Variants in TNFSF11 observed in about 807,000 individuals in gnomAD.
TNFSF11 encodes the protein tumor necrosis factor ligand superfamily member 11.
In TNFSF11, 12 loss-of-function variants were observed where a neutral mutation model predicts 32.2. That is an observed-to-expected ratio of 0.37 (90% confidence interval 0.24 to 0.60). The LOEUF (loss-of-function observed/expected upper bound fraction) is 0.60. Among genes scored for constraint, TNFSF11 ranks in the 20% least tolerant of loss-of-function variants. The pLI is 0.66. For synonymous variants in TNFSF11, 172 were observed against 152.1 expected, an observed-to-expected ratio of 1.13 and a Z score of -0.96; for missense variants, 345 against 398.0, an observed-to-expected ratio of 0.87 and a Z score of 1.13.
At chr13:42,584,224 C>A (rs901331412) in intron 2 of TNFSF11, among the ~76,000 whole-genome samples, 3 of 152,180 alleles carry the variant, frequency 2.0e-5, no homozygotes, top group Non-Finnish European at 4.4e-5. Context: ...GAACAAGCGG[C>A]TTACTGTGTG....
chr13:42,587,958 T>C (rs538471914), intron 2 of TNFSF11, among the ~76,000 whole-genome samples: 1 of 152,256 alleles, frequency 6.6e-6, no homozygotes, highest in East Asian at 1.9e-4. Flanking sequence ...GAGGAGGGAT[T>C]AAACCCCATT....
intron 2 of TNFSF11, among the ~76,000 whole-genome samples, chr13:42,568,958 A>G (rs891299591): frequency 2.0e-5 from 3 of 152,156 alleles, no homozygotes; most frequent in Non-Finnish European, 4.4e-5. Context: ...GGCAAATCCA[A>G]GGGGTTTAAC....
chr13:42,565,846 A>C (rs1001033975), intron 1 of TNFSF11, among the ~76,000 whole-genome samples: 17 of 152,184 alleles, frequency 1.1e-4, no homozygotes, highest in African/African-American at 4.1e-4. Context: ...AAGGAGGATG[A>C]AAGGGAAGCC....
chr13:42,578,763 G>A (rs1873445417), intron 1 of TNFSF11, among the ~76,000 whole-genome samples: 1 of 152,142 alleles, frequency 6.6e-6, no homozygotes, highest in Non-Finnish European at 1.5e-5. Flanking sequence ...TCTGGGTGTG[G>A]GCATTTTTTT....
chr13:42,577,588 AG>A (rs1291279705), intron 1 of TNFSF11, among the ~76,000 whole-genome samples: 3 of 152,192 alleles, frequency 2.0e-5, no homozygotes, highest in Non-Finnish European at 4.4e-5. Flanking sequence ...CCATATTCAA[AG>A]CTTAGGGTTT....
At chr13:42,592,755 T>A (rs1238185295) in intron 2 of TNFSF11, among the ~76,000 whole-genome samples, 1 of 152,024 alleles carries the variant, frequency 6.6e-6, no homozygotes, top group Non-Finnish European at 1.5e-5. Context: ...TGGGACCAGG[T>A]AGAGGTAATT....
intron 1 of TNFSF11, among the ~76,000 whole-genome samples, chr13:42,579,588 C>T (rs549320538): frequency 8.6e-5 from 13 of 151,886 alleles, no homozygotes; most frequent in South Asian, 6.2e-4. Flanking sequence ...TCTGGTGGTG[C>T]GTCAGTTCAG....
intron 1 of TNFSF11, among the ~76,000 whole-genome samples, chr13:42,574,939 C>T (rs2137853954): frequency 6.6e-6 from 1 of 152,396 alleles, no homozygotes. Context: ...TTCACTTGGG[C>T]ATCTACCTTT....
intron 1 of TNFSF11, among the ~76,000 whole-genome samples, chr13:42,575,422 AT>A (rs1873262155): frequency 6.6e-6 from 1 of 152,146 alleles, no homozygotes; most frequent in Admixed American, 6.5e-5. Flanking sequence ...TCATTCAAAT[AT>A]TCTTGTCTGG....
At chr13:42,573,559 G>A (rs1222950123), upstream of TNFSF11, among the ~76,000 whole-genome samples, 1 of 152,170 alleles carries the variant, frequency 6.6e-6, no homozygotes, top group Admixed American at 6.5e-5. Flanking sequence ...TAAAGTCAGA[G>A]TTGGTGTCTA....
At chr13:42,593,506 G>A (rs1868619087) in intron 2 of TNFSF11, among the ~76,000 whole-genome samples, 1 of 152,182 alleles carries the variant, frequency 6.6e-6, no homozygotes, top group South Asian at 2.1e-4. Flanking sequence ...AAGGAAGGCA[G>A]TGGTACCCAG....
At chr13:42,588,683 A>G (rs1874017911) in intron 2 of TNFSF11, among the ~76,000 whole-genome samples, 1 of 152,136 alleles carries the variant, frequency 6.6e-6, no homozygotes, top group Admixed American at 6.5e-5. Context: ...TTTTAAAAAG[A>G]GAAGAGAAAA....
In TNFSF11 at chr13:42,583,304, C is replaced by G. The variant is rs139035181; in HGVS notation, c.387+2011C>G. ...AACCTGTGCTGTAGTTCCAACTGCT[C>G]AGGAGACTGAGGTGGGAGGACTGCT... On this transcript the variant is annotated intron_variant, in intron 2 of 4. Transcript: ENST00000398795. 1.7e-3 allele frequency among the ~76,000 whole-genome samples: 262 copies of G among 150,312 alleles called. 1 individual carries two copies. The highest frequency in any genetic ancestry group is 6.1e-3 in the African/African-American group (248 of 40,872).
intron 2 of TNFSF11, among the ~76,000 whole-genome samples, chr13:42,581,639 G>A (rs896970482): frequency 2.0e-5 from 3 of 152,112 alleles, no homozygotes; most frequent in Admixed American, 2.0e-4. Context: ...AAAACCATCC[G>A]CTCAGTTCAC....
At chr13:42,579,909 A>T (rs962218829) in intron 1 of TNFSF11, among the ~76,000 whole-genome samples, 5 of 151,988 alleles carry the variant, frequency 3.3e-5, no homozygotes, top group African/African-American at 1.2e-4. Flanking sequence ...TAAAATTTGT[A>T]TTAGTGAGTG....
intron 4 of TNFSF11, 94 bp downstream of exon 4, chr13:42,601,075 T>C: frequency 7.1e-7 from 1 of 1,398,702 alleles, no homozygotes; most frequent in African/African-American, 1.4e-5. Flanking sequence ...TGTCACTGAA[T>C]TTTTGAGAGC....
chr13:42,580,133 A>C (rs1290249834), intron 1 of TNFSF11, among the ~76,000 whole-genome samples: 1 of 152,244 alleles, frequency 6.6e-6, no homozygotes, highest in Non-Finnish European at 1.5e-5. Flanking sequence ...AAGAAAATGC[A>C]GGTGAAGTAC....
intron 2 of TNFSF11, among the ~76,000 whole-genome samples, chr13:42,585,789 G>A (rs9525645): frequency 0.81 from 122,886 of 152,186 alleles, 49,795 homozygotes; most frequent in South Asian, 0.88. Context: ...TATACATTCT[G>A]AGCACTTGAG....
intron 2 of TNFSF11, among the ~76,000 whole-genome samples, chr13:42,599,507 AAT>A (rs1869047768): frequency 6.6e-6 from 1 of 152,116 alleles, no homozygotes. Flanking sequence ...GGAAATTAGG[AAT>A]CTCTCCAGAG....
Sources: gnomAD v4.1 joint callset for allele counts (sites outside exome capture counted in the v4.1 genomes callset) on GRCh38, gnomAD v4.1.1 for gene constraint, MANE v1.5 for transcripts, NCBI Gene and HGNC (gene_info 2026-07-23, HGNC 2026-07-21) for gene names.